The following SPAG1 variants were observed in gnomAD, a reference collection of about 807,000 sequenced individuals.
SPAG1 encodes sperm associated antigen 1.
In SPAG1, 69 loss-of-function variants were observed where a neutral mutation model predicts 100.5. That is an observed-to-expected ratio of 0.69 (90% CI 0.57 to 0.84). The LOEUF (loss-of-function observed/expected upper bound fraction) is 0.84. Ranked by LOEUF, SPAG1 falls within the 40% of genes least tolerant of loss-of-function variation. SPAG1 has a pLI of 0.00. For synonymous variants in SPAG1, 336 were observed against 411.6 expected, an observed-to-expected ratio of 0.82 and a Z score of 2.22; for missense variants, 955 against 1,133.1, an observed-to-expected ratio of 0.84 and a Z score of 2.26.
intron 13 of SPAG1, 91 bp from the exon 14 acceptor site, chr8:100,225,082 A>T (rs1009614336): frequency 2.1e-6 from 2 of 970,562 alleles, no homozygotes; most frequent in Non-Finnish European, 3.2e-6. Flanking sequence ...ACACATTTGC[A>T]TAGCATTTGC....
chr8:100,172,237 G>A (rs1165931996), intron 3 of SPAG1, among the ~76,000 whole-genome samples: 2 of 151,578 alleles, frequency 1.3e-5, no homozygotes, highest in Non-Finnish European at 2.9e-5. Flanking sequence ...CTTTTCATTG[G>A]CTTTTATAGT....
chr8:100,229,205 G>A (rs142194091), intron 14 of SPAG1, among the ~76,000 whole-genome samples: 12 of 152,166 alleles, frequency 7.9e-5, no homozygotes, highest in Admixed American at 1.3e-4. Flanking sequence ...CGAGGATCAC[G>A]AGGTCAGGAG....
intron 8 of SPAG1, among the ~76,000 whole-genome samples, chr8:100,189,413 G>A (rs1816720525): frequency 6.6e-6 from 1 of 152,062 alleles, no homozygotes; most frequent in African/African-American, 2.4e-5. Context: ...GGAGGCAGAG[G>A]TTGCAGTGAG....
intron 14 of SPAG1, among the ~76,000 whole-genome samples, chr8:100,230,847 C>G (rs1818736728): frequency 6.6e-6 from 1 of 152,218 alleles, no homozygotes; most frequent in Admixed American, 6.5e-5. Context: ...TCTTGAACTC[C>G]TGACCTCAGG....
intron 9 of SPAG1, among the ~76,000 whole-genome samples, chr8:100,192,636 C>T (rs1056157260): frequency 1.3e-5 from 2 of 152,226 alleles, no homozygotes; most frequent in African/African-American, 2.4e-5. Flanking sequence ...CTCTGAGTGG[C>T]AGCTAATGTT....
chr8:100,179,302 GA>G, intron 4 of SPAG1, among the ~76,000 whole-genome samples: 1 of 152,158 alleles, frequency 6.6e-6, no homozygotes, highest in Non-Finnish European at 1.5e-5. Context: ...AGAATCGCTT[GA>G]ACCTGGGAGG....
chr8:100,180,113 C>T (rs1473725376), intron 4 of SPAG1, among the ~76,000 whole-genome samples: 1 of 152,198 alleles, frequency 6.6e-6, no homozygotes, highest in Admixed American at 6.5e-5. Context: ...GGGTGGATCA[C>T]TTGAGCCCAG....
At chr8:100,214,987 TC>T (rs1817900802) in intron 12 of SPAG1, among the ~76,000 whole-genome samples, 1 of 73,774 alleles carries the variant, frequency 1.4e-5, no homozygotes, top group African/African-American at 5.5e-5. Flanking sequence ...TAAACTTTAC[TC>T]ATATATATAT....
chr8:100,166,322 G>A (rs577422324), intron 3 of SPAG1, among the ~76,000 whole-genome samples: 2 of 151,622 alleles, frequency 1.3e-5, no homozygotes, highest in Admixed American at 6.6e-5. Context: ...GCAGTGGCAC[G>A]ATCTTGGCTC....
At chr8:100,211,772 A>C (rs904157190) in intron 10 of SPAG1, among the ~76,000 whole-genome samples, 4 of 152,248 alleles carry the variant, frequency 2.6e-5, no homozygotes, top group Non-Finnish European at 5.9e-5. Flanking sequence ...CTCATTTGTA[A>C]AGTGGGAATG....
At chr8:100,191,056 T>C (rs1172319916) in intron 8 of SPAG1, among the ~76,000 whole-genome samples, 1 of 152,184 alleles carries the variant, frequency 6.6e-6, no homozygotes, top group Non-Finnish European at 1.5e-5. Flanking sequence ...AAAGGATTAT[T>C]ATCAGTGAAA....
rs549429067 is a variant in SPAG1, at chr8:100,184,373, G to T, written c.596-255G>T. On this transcript the variant is annotated intron_variant, in intron 6 of 18. Coordinates refer to ENST00000388798, the MANE Select transcript of SPAG1 (RefSeq NM_003114.5). The stretch of plus-strand genomic sequence containing the variant: ...TTTTCTTTTTGCTTCAAAACAAAAA[G>T]ATGGGGCAGTTTATTGGACTAGCAC... Among the ~76,000 whole-genome samples, 165 of 151,966 alleles carry T rather than the reference G, an allele frequency of 1.1e-3. 2 individuals carry two copies. Among genetic ancestry groups the T allele is most frequent in the Non-Finnish European group, 2.2e-3 (147 of 67,950 alleles).
At chr8:100,220,470 T>G in intron 13 of SPAG1, 39 bp downstream of exon 13, 1 of 1,566,526 alleles carries the variant, frequency 6.4e-7, no homozygotes, top group Non-Finnish European at 8.7e-7. Flanking sequence ...TCTAGTTGTT[T>G]TATACTGTTT....
At chr8:100,159,598 A>G (rs537177343) in intron 1 of SPAG1, among the ~76,000 whole-genome samples, 55 of 152,382 alleles carry the variant, frequency 3.6e-4, no homozygotes, top group South Asian at 1.0e-3. Flanking sequence ...GACCCACAAT[A>G]AGAAATATAG....
Position 100,191,377 on chromosome 8 carries a change from G to A in SPAG1, c.833-13G>A. Reference sequence around the variant, plus strand: ...TATTAAAAAACATAACTTTTATATTGGTAAATTTTCAGCTCTTCTGCGTCG... The same window carrying A: ...TATTAAAAAACATAACTTTTATATTAGTAAATTTTCAGCTCTTCTGCGTCG... On this transcript the variant is annotated splice_polypyrimidine_tract_variant and intron_variant, in intron 8 of 18. Transcript: ENST00000388798. 6.3e-7 allele frequency: 1 copy of A among 1,575,388 alleles called. No homozygotes were observed. Among genetic ancestry groups the A allele is most frequent in the Non-Finnish European group, 8.7e-7 (1 of 1,150,568 alleles).
At chr8:100,195,978 T>C (rs1268137168) in intron 10 of SPAG1, among the ~76,000 whole-genome samples, 1 of 152,184 alleles carries the variant, frequency 6.6e-6, no homozygotes, top group Non-Finnish European at 1.5e-5. Context: ...AACTGGAAAG[T>C]ATGTCACCTT....
chr8:100,161,859 G>T (rs1005869236), intron 1 of SPAG1, among the ~76,000 whole-genome samples: 1 of 152,220 alleles, frequency 6.6e-6, no homozygotes, highest in Non-Finnish European at 1.5e-5. Context: ...TGGACATATG[G>T]CTTAGAAGGT....
At chr8:100,187,003 A>G (rs1213556047) in intron 7 of SPAG1, 117 bp from the exon 8 acceptor site, 3 of 870,184 alleles carry the variant, frequency 3.4e-6, no homozygotes, top group Non-Finnish European at 5.0e-6. Flanking sequence ...ATGTTGGGGG[A>G]TACAATTCAG....
chr8:100,174,302 TAAGG>T (rs1816008518), intron 3 of SPAG1, among the ~76,000 whole-genome samples: 1 of 152,186 alleles, frequency 6.6e-6, no homozygotes, highest in Non-Finnish European at 1.5e-5. Context: ...AGGAAAATCA[TAAGG>T]AAGAGAATAT....
Sources: allele counts gnomAD v4.1 joint callset (sites outside exome capture counted in the v4.1 genomes callset), GRCh38; gene constraint gnomAD v4.1.1; transcripts MANE v1.5; gene names NCBI Gene and HGNC (gene_info 2026-07-23, HGNC 2026-07-21).